Variants in CRTC3 observed in about 807,000 individuals in gnomAD.
The protein encoded by CRTC3 is CREB regulated transcription coactivator 3, also known as CREB-regulated transcription coactivator 3.
A neutral mutation model predicts 74.5 loss-of-function variants in CRTC3; 26 were observed. The ratio of observed to expected loss-of-function variants is 0.35; its 90% CI spans 0.26 to 0.48. The LOEUF is 0.48. Among genes scored for constraint, CRTC3 ranks in the 20% least tolerant of loss-of-function variants. CRTC3 has a pLI of 0.99. For missense variants in CRTC3, 760 were observed against 787.3 expected, an observed-to-expected ratio of 0.97 and a Z score of 0.41; for synonymous variants, 377 against 325.8, an observed-to-expected ratio of 1.16 and a Z score of -1.69.
chr15:90,626,453 T>C (rs890654784), intron 10 of CRTC3, among the ~76,000 whole-genome samples: 1 of 152,192 alleles, frequency 6.6e-6, no homozygotes. Flanking sequence ...AATATCTGTG[T>C]GTGAAGTAGA....
intron 11 of CRTC3, among the ~76,000 whole-genome samples, chr15:90,634,050 A>G (rs1969142780): frequency 1.3e-5 from 2 of 151,566 alleles, no homozygotes; most frequent in East Asian, 1.9e-4. Context: ...ATTTTCCTAA[A>G]TTGCATAAAA....
In CRTC3 at chr15:90,629,238, C is replaced by A; in HGVS notation, c.972C>A (p.Leu324=). The A allele has an allele frequency of 1.2e-6, 2 of 1,610,818 alleles. No individual in the cohort carries two copies. Among genetic ancestry groups the A allele is most frequent in the Non-Finnish European group, 1.7e-6 (2 of 1,177,368 alleles). The stretch of plus-strand genomic sequence containing the variant: ...TGTGAATTTGTTGTCTTCCAGGTCT[C>A]CAGAGTTCTCGGAGTAACCCCTCCA... The part of the protein sequence containing the change: ...THLGIRSSSG[L]QSSRSNPSIQ... The change falls in exon 11 of 15, where the codon CTC becomes CTA. Residue 324 remains leucine, a synonymous_variant. Coordinates refer to ENST00000268184, the MANE Select transcript of CRTC3 (RefSeq NM_022769.5).
chr15:90,643,783 A>G lies in CRTC3; in HGVS notation c.*1643A>G, dbSNP rs961103774. 2 of 232,772 alleles carry G rather than the reference A, an allele frequency of 8.6e-6. No homozygotes were observed. Among genetic ancestry groups the G allele is most frequent in the Non-Finnish European group, 1.7e-5 (2 of 117,930 alleles). 14.4% of individuals were successfully genotyped at this position (232,772 alleles called of 1,614,324 possible). On this transcript the variant is annotated 3_prime_UTR_variant, in exon 15 of 15. Coordinates refer to ENST00000268184, the MANE Select transcript of CRTC3 (RefSeq NM_022769.5). Reference sequence around the variant, plus strand: ...GTGGAGAGGAGGAGAACCCTGAAGGAGAGACGGAAGATGCCAGGACCTTTG... The same window carrying G: ...GTGGAGAGGAGGAGAACCCTGAAGGGGAGACGGAAGATGCCAGGACCTTTG...
Position 90,529,945 on chromosome 15 carries a change from C to T in CRTC3, c.-127C>T, listed in dbSNP as rs1966595473. ...GCTGGCTCCGGGGCCGCGGCGGCTC[C>T]TCTGCCGGGTCGCGCCGGACGACTG... On this transcript the variant is annotated 5_prime_UTR_variant, in exon 1 of 15. Transcript: ENST00000268184. 1.4e-6 allele frequency: 1 copy of T among 712,090 alleles called. No homozygotes were observed. Among genetic ancestry groups the T allele is most frequent in the Non-Finnish European group, 1.8e-6 (1 of 564,354 alleles). 44.1% of individuals were successfully genotyped at this position (712,090 alleles called of 1,614,324 possible).
At chr15:90,555,595 G>A (rs1483715684) in intron 2 of CRTC3, among the ~76,000 whole-genome samples, 3 of 152,008 alleles carry the variant, frequency 2.0e-5, no homozygotes, top group African/African-American at 2.4e-5. Context: ...TTGGCTAACC[G>A]CAACCTCTGC....
At chr15:90,623,654 C>A (rs1377479080) in intron 9 of CRTC3, among the ~76,000 whole-genome samples, 2 of 152,160 alleles carry the variant, frequency 1.3e-5, no homozygotes, top group African/African-American at 4.8e-5. Flanking sequence ...AGACCCCTTC[C>A]CCAAGTCTGT....
intron 2 of CRTC3, among the ~76,000 whole-genome samples, chr15:90,568,823 G>A (rs960013925): frequency 3.3e-5 from 5 of 152,024 alleles, no homozygotes; most frequent in African/African-American, 9.7e-5. Flanking sequence ...CTTCAACATC[G>A]AGGCAAGACC....
At chr15:90,553,647 A>G (rs1217598006) in intron 2 of CRTC3, among the ~76,000 whole-genome samples, 1 of 152,210 alleles carries the variant, frequency 6.6e-6, no homozygotes, top group African/African-American at 2.4e-5. Flanking sequence ...AACTTGAGCA[A>G]GAGAACTGGA....
rs1419597087 is a variant in CRTC3 at position 90,638,283 on chromosome 15, G to C, written c.1267-163G>C. ...TGCTTTGTGGGGAAGTAAAATTTGAGATATACTTTGAAGGATGAGAAACGG... is the reference window on the plus strand; with the variant it reads ...TGCTTTGTGGGGAAGTAAAATTTGACATATACTTTGAAGGATGAGAAACGG... On this transcript the variant is annotated intron_variant, in intron 11 of 14. Transcript: ENST00000268184. 3 of 593,088 alleles carry C rather than the reference G, an allele frequency of 5.1e-6. No individual in the cohort carries two copies. The African/African-American group carries it at 5.6e-5, about 11-fold the overall frequency. The allele number at this position is 593,088 out of a possible 1,614,324, so 36.7% of individuals were successfully genotyped here. A position where few individuals can be genotyped will look rare whatever the true frequency, so the allele number is the denominator to read the frequency against.
intron 2 of CRTC3, among the ~76,000 whole-genome samples, chr15:90,588,921 T>A (rs1214529382): frequency 6.6e-6 from 1 of 152,210 alleles, no homozygotes; most frequent in African/African-American, 2.4e-5. Context: ...CCTGTGGAAG[T>A]TATTATCATT....
intron 2 of CRTC3, among the ~76,000 whole-genome samples, chr15:90,586,650 G>A (rs541633378): frequency 3.9e-5 from 6 of 152,158 alleles, no homozygotes; most frequent in African/African-American, 1.2e-4. Context: ...GTGAGCCACC[G>A]TGCCTGGCCC....
At chr15:90,640,032 A>T (rs1295634685) in intron 13 of CRTC3, among the ~76,000 whole-genome samples, 1 of 151,920 alleles carries the variant, frequency 6.6e-6, no homozygotes, top group Non-Finnish European at 1.5e-5. Context: ...CTGGACAACA[A>T]AGCAAGACTC....
At chr15:90,598,707 C>T in intron 3 of CRTC3, 1 of 592,334 alleles carries the variant, frequency 1.7e-6, no homozygotes, top group Non-Finnish European at 3.0e-6. Context: ...TGGCAGAGAA[C>T]TTGAGTAGGC....
At chr15:90,599,653 A>T (rs8026105) in intron 3 of CRTC3, 2 of 151,956 alleles carry the variant, frequency 1.3e-5, no homozygotes, top group African/African-American at 4.8e-5. Flanking sequence ...TGATGCCTCA[A>T]CCTAATTATA....
chr15:90,573,635 G>A (rs184453737), intron 2 of CRTC3, among the ~76,000 whole-genome samples: 47 of 150,852 alleles, frequency 3.1e-4, no homozygotes, highest in African/African-American at 1.0e-3. Flanking sequence ...GTTTTTTACT[G>A]TTTTTTTTCC....
chr15:90,578,670 A>C (rs1206337873), intron 2 of CRTC3, among the ~76,000 whole-genome samples: 1 of 152,226 alleles, frequency 6.6e-6, no homozygotes, highest in Non-Finnish European at 1.5e-5. Flanking sequence ...TACATGCATA[A>C]TCAGTATTTC....
chr15:90,625,413 T>C (rs891690799), intron 9 of CRTC3, among the ~76,000 whole-genome samples: 7 of 152,250 alleles, frequency 4.6e-5, no homozygotes, highest in Admixed American at 6.5e-5. Flanking sequence ...AGAGATACTT[T>C]TTCTGGTAGC....
At chr15:90,635,548 G>C (rs977243972) in intron 11 of CRTC3, among the ~76,000 whole-genome samples, 1 of 152,188 alleles carries the variant, frequency 6.6e-6, no homozygotes, top group Admixed American at 6.5e-5. Context: ...GGGAGACTGA[G>C]GCAGGAGAAT....
intron 2 of CRTC3, among the ~76,000 whole-genome samples, chr15:90,574,247 G>T (rs1967346271): frequency 6.6e-6 from 1 of 152,140 alleles, no homozygotes; most frequent in South Asian, 2.1e-4. Context: ...GGGAGGCCGA[G>T]GTTGGTAGAT....
Sources: gnomAD v4.1 joint callset for allele counts (sites outside exome capture counted in the v4.1 genomes callset) on GRCh38, gnomAD v4.1.1 for gene constraint, MANE v1.5 for transcripts, NCBI Gene and HGNC (gene_info 2026-07-23, HGNC 2026-07-21) for gene names.